Variants in EDNRB observed in about 807,000 individuals in gnomAD.
EDNRB encodes endothelin receptor type B.
Under a neutral mutation model 46.4 loss-of-function variants are expected in EDNRB, and 18 were observed. The ratio of observed to expected loss-of-function variants is 0.39; its 90% CI spans 0.27 to 0.57. The LOEUF is 0.57. Among genes scored for constraint, EDNRB ranks in the 20% least tolerant of loss-of-function variants. The pLI is 0.61. For missense variants in EDNRB, 434 were observed against 537.5 expected, an observed-to-expected ratio of 0.81 and a Z score of 1.90; for synonymous variants, 213 against 204.9, an observed-to-expected ratio of 1.04 and a Z score of -0.34.
rs1878745487 is a variant in EDNRB at position 77,898,340 on chromosome 13, C to A, written c.1195-6G>T. The A allele has an allele frequency of 6.2e-7, 1 of 1,611,360 alleles. No homozygotes were observed. Among genetic ancestry groups the A allele is most frequent in the African/African-American group, 1.3e-5 (1 of 74,744 alleles). On this transcript the variant is annotated splice_polypyrimidine_tract_variant and splice_region_variant and intron_variant, in intron 6 of 6. Transcript: ENST00000646607. ...CACCAGCAGCATAAGCATGACTGTA[C>A]AAAACAAAGTAACTCATTATATGTT...
At chr13:77,937,556 T>G (rs1481443211) in intron 1 of EDNRB, among the ~76,000 whole-genome samples, 1 of 152,150 alleles carries the variant, frequency 6.6e-6, no homozygotes, top group African/African-American at 2.4e-5. Context: ...AGAGGTCTGA[T>G]AGAGAAAAAG....
Position 77,912,391 on chromosome 13 carries a change from A to C in EDNRB, c.483+5700T>G, listed in dbSNP as rs192446424. On this transcript the variant is annotated intron_variant, in intron 1 of 6. Transcript: ENST00000646607. ...TTTGTCACAGAAATCTATGACCAAC[A>C]TGTGAAACAGTGAATTGGGAATATG... Among the ~76,000 whole-genome samples the C allele has an allele frequency of 2.0e-5, 3 of 152,224 alleles. No individual in the cohort carries two copies. In the East Asian group the frequency reaches 5.8e-4, roughly 29 times the overall value.
chr13:77,970,436 G>C (rs1416726694), intron 1 of EDNRB, among the ~76,000 whole-genome samples: 1 of 152,168 alleles, frequency 6.6e-6, no homozygotes, highest in African/African-American at 2.4e-5. Flanking sequence ...CTCTCTGAGT[G>C]AGCAATTCCT....
intron 1 of EDNRB, among the ~76,000 whole-genome samples, chr13:77,969,430 T>A (rs1881667517): frequency 6.6e-6 from 1 of 152,180 alleles, no homozygotes. Flanking sequence ...GTGGTACAAT[T>A]ATGTCTATTT....
intron 1 of EDNRB, among the ~76,000 whole-genome samples, chr13:77,969,585 C>T (rs139584852): frequency 1.3e-5 from 2 of 152,264 alleles, no homozygotes; most frequent in East Asian, 1.9e-4. Flanking sequence ...ACTGGGGTAA[C>T]GTGAATCTCT....
chr13:77,963,218 C>T (rs1175085294), intron 1 of EDNRB, among the ~76,000 whole-genome samples: 1 of 152,134 alleles, frequency 6.6e-6, no homozygotes, highest in Non-Finnish European at 1.5e-5. Context: ...AGAGTCAATG[C>T]CATCCCCATC....
At chr13:77,928,274 A>G (rs909026918) in intron 1 of EDNRB, among the ~76,000 whole-genome samples, 7 of 152,206 alleles carry the variant, frequency 4.6e-5, no homozygotes, top group African/African-American at 1.7e-4. Context: ...TTATACTATC[A>G]TCATATTTTA....
chr13:77,903,020 C>T (rs1452927128), intron 3 of EDNRB, 136 bp downstream of exon 3: 1 of 934,578 alleles, frequency 1.1e-6, no homozygotes, highest in Non-Finnish European at 1.7e-6. Context: ...ACTCCACAGT[C>T]CTTGGATCTA....
intron 1 of EDNRB, among the ~76,000 whole-genome samples, chr13:77,914,248 T>C (rs901143702): frequency 1.3e-5 from 2 of 152,186 alleles, no homozygotes; most frequent in African/African-American, 4.8e-5. Context: ...TTTGTAGTCA[T>C]GTTTGTCACG....
At chr13:77,910,977 T>C (rs1879538269) in intron 1 of EDNRB, among the ~76,000 whole-genome samples, 1 of 152,030 alleles carries the variant, frequency 6.6e-6, no homozygotes, top group Non-Finnish European at 1.5e-5. Context: ...CTCAAATATA[T>C]TTTCCTACCA....
chr13:77,947,765 C>T (rs1043984357), intron 1 of EDNRB: 2 of 149,702 alleles, frequency 1.3e-5, no homozygotes, highest in Admixed American at 6.8e-5. Flanking sequence ...CGTACCACCA[C>T]ACCCAGCTAA....
rs1490667081 is a variant in EDNRB, at chr13:77,896,273, G to T, written c.*1927C>A. ...ATAAAAATAATCTAAAATTTAAATA[G>T]AAATTAAATATATTAATAAACTGTG... On this transcript the variant is annotated 3_prime_UTR_variant, in exon 7 of 7. Transcript: ENST00000646607. The T allele has an allele frequency of 1.4e-5, 7 of 504,782 alleles. No individual in the cohort carries two copies. Among genetic ancestry groups the T allele is most frequent in the Non-Finnish European group, 2.0e-5 (7 of 342,066 alleles). The allele number at this position is 504,782 out of a possible 1,614,324, so 31.3% of individuals were successfully genotyped here.
At chr13:77,974,049 C>T (rs1220266960) in intron 1 of EDNRB, among the ~76,000 whole-genome samples, 1 of 151,408 alleles carries the variant, frequency 6.6e-6, no homozygotes, top group Non-Finnish European at 1.5e-5. Context: ...AAACATGTTA[C>T]ACTGTTAACT....
In EDNRB at chr13:77,946,988, A is replaced by T. The variant is rs191992390; in HGVS notation, c.-52+28359T>A. 1.8e-3 allele frequency among the ~76,000 whole-genome samples: 268 copies of T among 152,326 alleles called. 1 individual carries two copies. The highest frequency in any genetic ancestry group is 1.8e-3 in the Non-Finnish European group (125 of 68,026). On this transcript the variant is annotated intron_variant, in intron 1 of 7. Coordinates refer to the EDNRB transcript ENST00000646948. The stretch of plus-strand genomic sequence containing the variant: ...CAAGTCCTATGGGGGTACAGGATTA[A>T]GAATGAAATCTATGACTGTTTTTCA...
intron 1 of EDNRB, among the ~76,000 whole-genome samples, chr13:77,954,040 G>A (rs1881164505): frequency 6.6e-6 from 1 of 152,106 alleles, no homozygotes; most frequent in African/African-American, 2.4e-5. Flanking sequence ...AGGCAATGCT[G>A]CCCTATCTAT....
intron 1 of EDNRB, among the ~76,000 whole-genome samples, chr13:77,960,544 A>G (rs1046512167): frequency 1.3e-5 from 2 of 152,216 alleles, no homozygotes; most frequent in African/African-American, 4.8e-5. Flanking sequence ...GAAGCACTGA[A>G]CATGGAAAGG....
intron 1 of EDNRB, among the ~76,000 whole-genome samples, chr13:77,964,502 A>T (rs1881522398): frequency 6.6e-6 from 1 of 152,190 alleles, no homozygotes; most frequent in African/African-American, 2.4e-5. Context: ...GCTGGAAACC[A>T]TCATACTCAG....
Position 77,899,981 on chromosome 13 carries a change from A to T in EDNRB, c.1086-14T>A. 1 of 1,603,210 alleles carries T rather than the reference A, an allele frequency of 6.2e-7. No individual in the cohort carries two copies. Among genetic ancestry groups the T allele is most frequent in the East Asian group, 2.2e-5 (1 of 44,666 alleles). On this transcript the variant is annotated splice_polypyrimidine_tract_variant and intron_variant, in intron 5 of 6. Coordinates refer to ENST00000646607, the MANE Select transcript of EDNRB (RefSeq NM_001122659.3). ...ACCAACAGAAAGCTGCAACAAAATA[A>T]CCCAAAATGTGTCTGAAAAATATGC... is the stretch of plus-strand genomic sequence containing the variant.
At chr13:77,928,035 T>C (rs1350188860) in intron 1 of EDNRB, among the ~76,000 whole-genome samples, 1 of 152,210 alleles carries the variant, frequency 6.6e-6, no homozygotes, top group Non-Finnish European at 1.5e-5. Flanking sequence ...GCCATGATTG[T>C]GAGGCTTCCC....
Sources: gnomAD v4.1 joint callset for allele counts (sites outside exome capture counted in the v4.1 genomes callset) on GRCh38, gnomAD v4.1.1 for gene constraint, MANE v1.5 for transcripts, NCBI Gene and HGNC (gene_info 2026-07-23, HGNC 2026-07-21) for gene names.